Variants in RAB3IL1 observed in about 807,000 individuals in gnomAD.
RAB3IL1 encodes the protein RAB3A interacting protein like 1, also known as guanine nucleotide exchange factor for Rab-3A.
RAB3IL1 carries 37 observed loss-of-function variants against 49.2 expected under a neutral mutation model. The ratio of observed to expected loss-of-function variants is 0.75; its 90% CI spans 0.58 to 0.99. RAB3IL1 has a LOEUF of 0.99. RAB3IL1 is among the 50% of genes least tolerant of loss of function. The pLI, the probability that RAB3IL1 is intolerant of heterozygous loss-of-function variation, is 0.00. For missense variants in RAB3IL1, 484 were observed against 513.0 expected (o/e 0.94, Z 0.55); for synonymous variants, 193 against 213.9 (o/e 0.90, Z 0.85).
chr11:61,923,950 A>C (rs894845144), upstream of RAB3IL1, among the ~76,000 whole-genome samples: 2 of 152,200 alleles, frequency 1.3e-5, no homozygotes, highest in Non-Finnish European at 2.9e-5. Context: ...GACCAGGCCC[A>C]GGCCCCTCAG....
At position 61,904,597 on chromosome 11, in the gene RAB3IL1, G is replaced by A. The variant is rs141437705; in HGVS notation, c.848C>T (p.Ser283Leu). The A allele has an allele frequency of 1.2e-4, 192 of 1,613,362 alleles. No individual in the cohort carries two copies. Among genetic ancestry groups the A allele is most frequent in the Middle Eastern group, 4.9e-4 (3 of 6,062 alleles). Residue 283 changes from serine to leucine, a missense_variant, in exon 7 of 10, where the codon TCG (serine) becomes TTG (leucine). Transcript: ENST00000394836. Reference sequence around the variant, plus strand: ...CACCTTCACTGTGGGCAGCGTCTGCGAAGCCACCGGCTCAATGGTGAGCGT... The same window carrying A: ...CACCTTCACTGTGGGCAGCGTCTGCAAAGCCACCGGCTCAATGGTGAGCGT... ...DNTLTIEPVA[S>L]QTLPTVKVAE...
chr11:61,920,083 A>T (rs1220616283), upstream of RAB3IL1: 14 of 1,303,820 alleles, frequency 1.1e-5, no homozygotes, highest in Non-Finnish European at 1.4e-5. Flanking sequence ...CCCCTCAAGT[A>T]CAGGGCACAG....
At chr11:61,941,805 A>G in the RAB3IL1 span, among the ~76,000 whole-genome samples, 2 of 152,162 alleles carry the variant, frequency 1.3e-5, no homozygotes, top group African/African-American at 2.4e-5. Context: ...AGATGCAAAT[A>G]TCCTCAACCA....
chr11:61,902,175 G>A (rs774932460), intron 8 of RAB3IL1, among the ~76,000 whole-genome samples: 2 of 152,338 alleles, frequency 1.3e-5, no homozygotes, highest in South Asian at 4.1e-4. Flanking sequence ...TTAGCTGGGC[G>A]TGGTGGCACA....
At chr11:61,929,404 C>G in the RAB3IL1 span, among the ~76,000 whole-genome samples, 93 of 151,596 alleles carry the variant, frequency 6.1e-4, 1 homozygote, top group East Asian at 0.018. Context: ...ACTTGGGAGG[C>G]TGAGACACAA....
chr11:61,911,273 C>T (rs574324854), intron 1 of RAB3IL1, among the ~76,000 whole-genome samples: 4 of 152,332 alleles, frequency 2.6e-5, no homozygotes, highest in East Asian at 3.9e-4. Context: ...AGTGGGACCA[C>T]CCAGTAGCCA....
chr11:61,944,250 C>CCTTCCTTCCTTCCTTCCTTT, the RAB3IL1 span, among the ~76,000 whole-genome samples: 46 of 150,220 alleles, frequency 3.1e-4, no homozygotes, highest in Non-Finnish European at 4.3e-4. Context: ...TTCCTTCCTT[C>CCTTCCTTCCTTCCTTCCTTT]CTTCCTTCCT....
intron 1 of RAB3IL1, among the ~76,000 whole-genome samples, 156 bp from the exon 2 acceptor site, chr11:61,908,462 C>T (rs1314462665): frequency 1.3e-5 from 2 of 152,238 alleles, no homozygotes; most frequent in African/African-American, 4.8e-5. Flanking sequence ...AGTGTTGTTA[C>T]AAGGGCAAAT....
At chr11:61,915,767 G>A (rs904453717) in intron 1 of RAB3IL1, among the ~76,000 whole-genome samples, 1 of 152,198 alleles carries the variant, frequency 6.6e-6, no homozygotes, top group Admixed American at 6.5e-5. Flanking sequence ...GCCGGGTGCA[G>A]TGGCTCACAC....
chr11:61,941,618 G>A, the RAB3IL1 span, among the ~76,000 whole-genome samples: 1 of 152,138 alleles, frequency 6.6e-6, no homozygotes, highest in Non-Finnish European at 1.5e-5. Flanking sequence ...CAGGTGTGGT[G>A]GCAGGCACCT....
chr11:61,907,413 G>A lies in RAB3IL1; in HGVS notation c.418C>T (p.Leu140=). The A allele has an allele frequency of 6.2e-7, 1 of 1,614,084 alleles. No individual in the cohort carries two copies. Among genetic ancestry groups the A allele is most frequent in the Non-Finnish European group, 8.5e-7 (1 of 1,180,012 alleles). The change falls in exon 4 of 10, where the codon CTG becomes TTG. Residue 140 remains leucine, a synonymous_variant. Transcript: ENST00000394836. ...CTCACCTTGCCCCGAGCCTCCTTCA[G>A]CTGCTTTTCTGATGCCGCCTGCTTC... is the stretch of plus-strand genomic sequence containing the variant. ...NMKQAASEKQ[L]KEARGKIDML...
rs1253503762 is a variant in RAB3IL1 at position 61,898,938 on chromosome 11, G to C, written c.1066+376C>G. 8 of 490,360 alleles carry C rather than the reference G, an allele frequency of 1.6e-5. No homozygotes were observed. The East Asian group carries it at 4.7e-4, about 29-fold the overall frequency. The allele number at this position is 490,360 out of a possible 1,614,324, so 30.4% of individuals were successfully genotyped here. ...CCAGGCCTTGCAGAATGGGCTGTGGGGGGAGGGGGTGGAGGGAGGCCCTGT... is the reference window on the plus strand; with the variant it reads ...CCAGGCCTTGCAGAATGGGCTGTGGCGGGAGGGGGTGGAGGGAGGCCCTGT... On this transcript the variant is annotated intron_variant, in intron 9 of 9. Coordinates refer to ENST00000394836, the MANE Select transcript of RAB3IL1 (RefSeq NM_013401.4). The surrounding 1 kb of genome is among the most constrained non-coding windows in gnomAD (Gnocchi z 5.1).
rs1018785018 is a variant in RAB3IL1 at position 61,899,611 on chromosome 11, G to A, written c.1000-231C>T. On this transcript the variant is annotated intron_variant, in intron 8 of 9. Transcript: ENST00000394836. ...TTTCATCAAGCGCCTGCAGCGAACG[G>A]AGCAGACGCGCTTATTATTCCATCT... is the stretch of plus-strand genomic sequence containing the variant. 5.6e-6 allele frequency: 3 copies of A among 531,082 alleles called. No individual in the cohort carries two copies. The African/African-American group carries it at 5.7e-5, about 10-fold the overall frequency. 32.9% of individuals were successfully genotyped at this position (531,082 alleles called of 1,614,324 possible).
the RAB3IL1 span, among the ~76,000 whole-genome samples, chr11:61,944,991 A>G: frequency 6.6e-6 from 1 of 152,110 alleles, no homozygotes; most frequent in Non-Finnish European, 1.5e-5. Context: ...AGGAGCCACC[A>G]CACCTGGCCT....
chr11:61,934,405 T>C, the RAB3IL1 span, among the ~76,000 whole-genome samples: 1 of 136,566 alleles, frequency 7.3e-6, no homozygotes, highest in Non-Finnish European at 1.6e-5. Context: ...CATATATTTG[T>C]ATATATACAT....
chr11:61,939,111 C>A, the RAB3IL1 span, among the ~76,000 whole-genome samples: 1 of 151,304 alleles, frequency 6.6e-6, no homozygotes, highest in Admixed American at 6.6e-5. Flanking sequence ...ATAAAACATT[C>A]CCCAGGATAG....
intron 8 of RAB3IL1, chr11:61,899,621 G>A (rs1022594867): frequency 4.0e-6 from 2 of 504,380 alleles, no homozygotes; most frequent in African/African-American, 1.9e-5. Flanking sequence ...GAGCAGACGC[G>A]CTTATTATTC....
At position 61,917,490 on chromosome 11, in the gene RAB3IL1, C is replaced by G. The variant is rs1939751867; in HGVS notation, c.-123G>C. ...CGCCCCACCGCCTGTCAGCCCTGCCCGCGGCCGGTCAGTAGGTCTCAGACG... is the reference window on the plus strand; with the variant it reads ...CGCCCCACCGCCTGTCAGCCCTGCCGGCGGCCGGTCAGTAGGTCTCAGACG... On this transcript the variant is annotated 5_prime_UTR_variant, in exon 1 of 10. Coordinates refer to ENST00000394836, the MANE Select transcript of RAB3IL1 (RefSeq NM_013401.4). The G allele has an allele frequency of 2.6e-6, 3 of 1,145,706 alleles. No homozygotes were observed. The highest frequency in any genetic ancestry group is 3.2e-6 in the Non-Finnish European group (3 of 934,376). The allele number at this position is 1,145,706 out of a possible 1,614,324, so 71.0% of individuals were successfully genotyped here.
At chr11:61,938,867 G>A in the RAB3IL1 span, among the ~76,000 whole-genome samples, 10 of 151,660 alleles carry the variant, frequency 6.6e-5, no homozygotes, top group African/African-American at 1.5e-4. Flanking sequence ...TGGAGGTTGC[G>A]GTGAGCCAAG....
Sources: allele counts gnomAD v4.1 joint callset (sites outside exome capture counted in the v4.1 genomes callset), GRCh38; gene constraint gnomAD v4.1.1; non-coding constraint Gnocchi (gnomAD v3.1); transcripts MANE v1.5; gene names NCBI Gene and HGNC (gene_info 2026-07-23, HGNC 2026-07-21).